The following CLIP2 variants were observed in gnomAD, a reference collection of about 807,000 sequenced individuals.
CLIP2 encodes CAP-Gly domain containing linker protein 2.
In CLIP2, 41 loss-of-function variants were observed where a neutral mutation model predicts 111.7. The observed-to-expected ratio is 0.37, with a 90% CI of 0.29 to 0.48. The LOEUF is 0.48. Ranked by LOEUF, CLIP2 falls within the 20% of genes least tolerant of loss-of-function variation. CLIP2 has a pLI of 0.99. For missense variants in CLIP2, 1,160 were observed against 1,422.1 expected, an observed-to-expected ratio of 0.82 and a Z score of 2.96; for synonymous variants, 660 against 644.2, an observed-to-expected ratio of 1.02 and a Z score of -0.37.
chr7:74,369,206 C>A (rs1790538539), intron 8 of CLIP2, among the ~76,000 whole-genome samples: 1 of 152,086 alleles, frequency 6.6e-6, no homozygotes, highest in Non-Finnish European at 1.5e-5. Flanking sequence ...CAAAAATTAG[C>A]TGGGCATGGT....
chr7:74,305,139 C>T (rs2116468191), intron 1 of CLIP2, among the ~76,000 whole-genome samples: 1 of 152,220 alleles, frequency 6.6e-6, no homozygotes, highest in East Asian at 1.9e-4. Flanking sequence ...CTCCACTGTA[C>T]ACTTACGTTC....
Position 74,317,358 on chromosome 7 carries a change from G to C in CLIP2, c.-67-122G>C, listed in dbSNP as rs183220137. 4,066 of 565,808 alleles carry C rather than the reference G, an allele frequency of 7.2e-3. 23 individuals carry two copies. The highest frequency in any genetic ancestry group is 9.6e-3 in the South Asian group (112 of 11,680). The allele number at this position is 565,808 out of a possible 1,614,324, so 35.0% of individuals were successfully genotyped here. A position where few individuals can be genotyped will look rare whatever the true frequency, so the allele number is the denominator to read the frequency against. ...CGGCAACGGGAGCAGTGAGCTGATA[G>C]GTTAAATCGGGTGTTGCCTCGTCCA... On this transcript the variant is annotated intron_variant, in intron 1 of 16. Transcript: ENST00000223398.
intron 2 of CLIP2, among the ~76,000 whole-genome samples, chr7:74,331,840 TG>T (rs1159960676): frequency 6.6e-6 from 1 of 152,098 alleles, no homozygotes; most frequent in South Asian, 2.1e-4. Context: ...CTCAAAGTGC[TG>T]GGATTACAGG....
Position 74,389,390 on chromosome 7 carries a change from C to T in CLIP2, c.2720+131C>T, listed in dbSNP as rs1037518217. On this transcript the variant is annotated intron_variant, in intron 13 of 16. Transcript: ENST00000223398. ...GGTGGGCCAGGTGGCCGATCTCGAG[C>T]GATCACCCTGCTCTCCTCTAAGCTC... is the stretch of plus-strand genomic sequence containing the variant. The T allele has an allele frequency of 4.3e-5, 37 of 861,216 alleles. No individual in the cohort carries two copies. The Middle Eastern group carries it at 1.4e-3, about 33-fold the overall frequency. The allele number at this position is 861,216 out of a possible 1,614,324, so 53.3% of individuals were successfully genotyped here.
chr7:74,304,441 GT>G (rs1788421138), intron 1 of CLIP2, among the ~76,000 whole-genome samples: 1 of 150,418 alleles, frequency 6.6e-6, no homozygotes, highest in Non-Finnish European at 1.5e-5. Flanking sequence ...CCGGAGAATG[GT>G]TTGAACCCGG....
intron 3 of CLIP2, among the ~76,000 whole-genome samples, chr7:74,348,482 C>G (rs1333937488): frequency 1.3e-5 from 2 of 151,342 alleles, no homozygotes; most frequent in Non-Finnish European, 2.9e-5. Context: ...ATACTGAGAC[C>G]CTGTCTCTTA....
At chr7:74,325,943 A>C (rs1554730630) in intron 2 of CLIP2, among the ~76,000 whole-genome samples, 1 of 151,748 alleles carries the variant, frequency 6.6e-6, no homozygotes, top group African/African-American at 2.4e-5. Context: ...TTTCATTTTA[A>C]AGATGAGACC....
chr7:74,354,382 G>A (rs1790092369), intron 4 of CLIP2, among the ~76,000 whole-genome samples: 1 of 152,184 alleles, frequency 6.6e-6, no homozygotes, highest in African/African-American at 2.4e-5. Flanking sequence ...GGGAGGCTGA[G>A]GCAGGTGGAT....
chr7:74,379,971 A>G (rs1790896486), intron 10 of CLIP2: 1 of 152,162 alleles, frequency 6.6e-6, no homozygotes, highest in Non-Finnish European at 1.5e-5. Context: ...AGAAAAATTT[A>G]GTGTGAGCCT....
At chr7:74,299,031 G>T (rs1554726407) in intron 1 of CLIP2, among the ~76,000 whole-genome samples, 1 of 151,622 alleles carries the variant, frequency 6.6e-6, no homozygotes, top group Non-Finnish European at 1.5e-5. Context: ...AGCAACAAAA[G>T]AAAAAACACT....
chr7:74,391,994 C>G (rs1023547058), intron 13 of CLIP2, among the ~76,000 whole-genome samples: 3 of 151,946 alleles, frequency 2.0e-5, no homozygotes, highest in African/African-American at 7.3e-5. Context: ...ATCACTTGAG[C>G]TCAGGAGTTC....
Position 74,320,213 on chromosome 7 carries a change from A to AAAAG in CLIP2, c.121+2554_121+2557dup, listed in dbSNP as rs1255726724. ...TCCATCTCAAAAAAAAAAAAAAAAA[A>AAAAG]AAAGAAAGAAAAAGGAAAAAGAGCA... On this transcript the variant is annotated intron_variant, in intron 2 of 16. Coordinates refer to ENST00000223398, the MANE Select transcript of CLIP2 (RefSeq NM_003388.5). 4.2e-3 allele frequency among the ~76,000 whole-genome samples: 554 copies of AAAAG among 131,752 alleles called. 26 individuals carry two copies. The highest frequency in any genetic ancestry group is 5.4e-3 in the Non-Finnish European group (337 of 61,918). 86.4% of individuals were successfully genotyped at this position (131,752 alleles called of 152,430 possible).
chr7:74,369,172 G>A (rs1423301333), intron 8 of CLIP2, among the ~76,000 whole-genome samples: 2 of 152,166 alleles, frequency 1.3e-5, no homozygotes, highest in African/African-American at 4.8e-5. Flanking sequence ...CCAACATGGT[G>A]AAACCCTGTC....
At chr7:74,318,228 G>T (rs191449743) in intron 2 of CLIP2, among the ~76,000 whole-genome samples, 1 of 152,062 alleles carries the variant, frequency 6.6e-6, no homozygotes, top group African/African-American at 2.4e-5. Flanking sequence ...AGCGTCATGC[G>T]TACAGAAGAG....
chr7:74,298,151 C>G (rs190460691), intron 1 of CLIP2, among the ~76,000 whole-genome samples: 1 of 151,994 alleles, frequency 6.6e-6, no homozygotes, highest in Non-Finnish European at 1.5e-5. Context: ...TCGAGACCAA[C>G]CTGGGCAACA....
At chr7:74,309,120 C>T (rs1433642237) in intron 1 of CLIP2, among the ~76,000 whole-genome samples, 4 of 151,896 alleles carry the variant, frequency 2.6e-5, no homozygotes, top group Non-Finnish European at 4.4e-5. Context: ...TCACCCACCT[C>T]GGCCTCCCAA....
chr7:74,317,678 C>A lies in CLIP2; in HGVS notation c.121+11C>A. 1 of 1,442,396 alleles carries A rather than the reference C, an allele frequency of 6.9e-7. No homozygotes were observed. Among genetic ancestry groups the A allele is most frequent in the Non-Finnish European group, 9.2e-7 (1 of 1,091,766 alleles). 89.3% of individuals were successfully genotyped at this position (1,442,396 alleles called of 1,614,324 possible). ...CTAGCTCCAAGGAAGGTACGTGGCA[C>A]ACCAAGGATGGGGGGTGAGGGGACT... On this transcript the variant is annotated intron_variant, in intron 2 of 16. Transcript: ENST00000223398.
intron 2 of CLIP2, among the ~76,000 whole-genome samples, chr7:74,332,460 CT>C (rs386410474): frequency 0.019 from 2,127 of 110,278 alleles, 34 homozygotes; most frequent in African/African-American, 0.055. Flanking sequence ...CTAGAATTCT[CT>C]TTTTTTTTTT....
At chr7:74,389,673 C>T (rs1315691409) in intron 13 of CLIP2, among the ~76,000 whole-genome samples, 1 of 151,086 alleles carries the variant, frequency 6.6e-6, no homozygotes, top group Non-Finnish European at 1.5e-5. Context: ...CCGAGGCAGC[C>T]GGATCACCTG....
Sources: allele counts gnomAD v4.1 joint callset (sites outside exome capture counted in the v4.1 genomes callset), GRCh38; gene constraint gnomAD v4.1.1; transcripts MANE v1.5; gene names NCBI Gene and HGNC (gene_info 2026-07-23, HGNC 2026-07-21).